The following ZYX variants were observed in gnomAD, a reference collection of about 807,000 sequenced individuals.
ZYX encodes zyxin-2.
A neutral mutation model predicts 58.1 loss-of-function variants in ZYX; 37 were observed. That is an observed-to-expected ratio of 0.64 (90% CI 0.49 to 0.84). The LOEUF (loss-of-function observed/expected upper bound fraction) is 0.84. ZYX is among the 40% of genes least tolerant of loss of function. ZYX has a pLI of 0.00. For missense variants in ZYX, 762 were observed against 761.6 expected, an observed-to-expected ratio of 1.00 and a Z score of -0.01; for synonymous variants, 324 against 321.1, an observed-to-expected ratio of 1.01 and a Z score of -0.10.
At position 143,390,733 on chromosome 7, in the gene ZYX, C is replaced by A; in HGVS notation, c.*51C>A. The stretch of plus-strand genomic sequence containing the variant: ...CAGTCCATGCCCCATTGTGGACCAC[C>A]CACACTGAGACCACCTGCCCCCACC... On this transcript the variant is annotated 3_prime_UTR_variant, in exon 10 of 10. Coordinates refer to ENST00000322764, the MANE Select transcript of ZYX (RefSeq NM_003461.5). This position sits in a 1 kb window ranked among gnomAD's most constrained non-coding sequence, Gnocchi z 4.3. The A allele has an allele frequency of 7.3e-7, 1 of 1,375,184 alleles. No individual in the cohort carries two copies. The highest frequency in any genetic ancestry group is 1.0e-6 in the Non-Finnish European group (1 of 990,376). The allele number at this position is 1,375,184 out of a possible 1,614,324, so 85.2% of individuals were successfully genotyped here. A position where few individuals can be genotyped will look rare whatever the true frequency, so the allele number is the denominator to read the frequency against.
At position 143,388,121 on chromosome 7, in the gene ZYX, G is replaced by T; in HGVS notation, c.1024-98G>T. ...GCCTGAGCATCTGGGACACGAGCTG[G>T]GAGCTAAGCCTCATCGGAAGAAGCC... On this transcript the variant is annotated intron_variant, in intron 5 of 9. Transcript: ENST00000322764. The surrounding 1 kb of genome is among the most constrained non-coding windows in gnomAD (Gnocchi z 7.5). 7.0e-7 allele frequency: 1 copy of T among 1,419,350 alleles called. No homozygotes were observed. Among genetic ancestry groups the T allele is most frequent in the African/African-American group, 1.4e-5 (1 of 69,362 alleles). The allele number at this position is 1,419,350 out of a possible 1,614,324, so 87.9% of individuals were successfully genotyped here. A position where few individuals can be genotyped will look rare whatever the true frequency, so the allele number is the denominator to read the frequency against.
Position 143,388,415 on chromosome 7 carries a change from T to C in ZYX, c.1145-74T>C. Reference sequence around the variant, plus strand: ...GGGCCAGGGCTGTGGCTCCACTCCCTATCTGAGCTGGCTGATCCCTCGCAG... The same window carrying C: ...GGGCCAGGGCTGTGGCTCCACTCCCCATCTGAGCTGGCTGATCCCTCGCAG... On this transcript the variant is annotated intron_variant, in intron 6 of 9. Coordinates refer to ENST00000322764, the MANE Select transcript of ZYX (RefSeq NM_003461.5). The surrounding 1 kb of genome is among the most constrained non-coding windows in gnomAD (Gnocchi z 7.5). 6.2e-7 allele frequency: 1 copy of C among 1,606,462 alleles called. No homozygotes were observed. The highest frequency in any genetic ancestry group is 1.3e-5 in the African/African-American group (1 of 74,828).
chr7:143,388,724 G>A lies in ZYX; in HGVS notation c.1315-43G>A, dbSNP rs945826708. ...CAGTCGGGCCCTGGAAGCTTGCTGTGGGGTGCCGGTTCCCTGCCAACCTCC... is the reference window on the plus strand; with the variant it reads ...CAGTCGGGCCCTGGAAGCTTGCTGTAGGGTGCCGGTTCCCTGCCAACCTCC... On this transcript the variant is annotated intron_variant, in intron 7 of 9. Transcript: ENST00000322764. This position sits in a 1 kb window ranked among gnomAD's most constrained non-coding sequence, Gnocchi z 7.5. 2.5e-6 allele frequency: 4 copies of A among 1,609,906 alleles called. No individual in the cohort carries two copies. In the East Asian group the frequency reaches 8.9e-5, roughly 36 times the overall value.
chr7:143,386,026 A>G (rs1563109162), intron 5 of ZYX, among the ~76,000 whole-genome samples: 4 of 148,964 alleles, frequency 2.7e-5, no homozygotes, highest in African/African-American at 4.9e-5. Flanking sequence ...GGTGTGGTAT[A>G]TGTGTGAGTG....
rs552202470 is a variant in ZYX at position 143,382,073 on chromosome 7, C to T, written c.209-175C>T. 5.9e-5 allele frequency: 37 copies of T among 627,444 alleles called. 1 individual carries two copies. In the South Asian group the frequency reaches 7.3e-4, roughly 12 times the overall value. 38.9% of individuals were successfully genotyped at this position (627,444 alleles called of 1,614,324 possible). Reference sequence around the variant, plus strand: ...AGCTGCACCACTCCTCGGCAGTGCGCCCGGCCTTTCCTGACCTGGTACTCC... The same window carrying T: ...AGCTGCACCACTCCTCGGCAGTGCGTCCGGCCTTTCCTGACCTGGTACTCC... On this transcript the variant is annotated intron_variant, in intron 2 of 9. Transcript: ENST00000322764.
In ZYX at chr7:143,384,293, T is replaced by C; in HGVS notation, c.1023+971T>C. The C allele has an allele frequency of 2.1e-6, 1 of 470,596 alleles. No homozygotes were observed. Among genetic ancestry groups the C allele is most frequent in the South Asian group, 1.6e-5 (1 of 64,498 alleles). The allele number at this position is 470,596 out of a possible 1,614,324, so 29.2% of individuals were successfully genotyped here. On this transcript the variant is annotated intron_variant, in intron 5 of 9. Coordinates refer to ENST00000322764, the MANE Select transcript of ZYX (RefSeq NM_003461.5). The surrounding 1 kb of genome is among the most constrained non-coding windows in gnomAD (Gnocchi z 4.9). ...AGGGAGTCAACTCGGGGAGTCAAAT[T>C]AGGAAAGGCTTCGAAGGATGGGCAG...
intron 2 of ZYX, 24 bp downstream of exon 2, chr7:143,381,803 G>A (rs1175526838): frequency 1.3e-6 from 2 of 1,517,900 alleles, no homozygotes; most frequent in Admixed American, 2.3e-5. Context: ...CTTGGGGAAT[G>A]TACCCCGGCA....
Position 143,390,727 on chromosome 7 carries a change from G to T in ZYX, c.*45G>T. 6.9e-7 allele frequency: 1 copy of T among 1,447,210 alleles called. No individual in the cohort carries two copies. Among genetic ancestry groups the T allele is most frequent in the South Asian group, 1.2e-5 (1 of 82,060 alleles). 89.6% of individuals were successfully genotyped at this position (1,447,210 alleles called of 1,614,324 possible). On this transcript the variant is annotated 3_prime_UTR_variant, in exon 10 of 10. Transcript: ENST00000322764. The surrounding 1 kb of genome is among the most constrained non-coding windows in gnomAD (Gnocchi z 4.3). ...AGACCGCAGTCCATGCCCCATTGTG[G>T]ACCACCCACACTGAGACCACCTGCC... is the stretch of plus-strand genomic sequence containing the variant.
intron 5 of ZYX, among the ~76,000 whole-genome samples, chr7:143,386,854 C>T (rs182593212): frequency 7.9e-5 from 12 of 152,166 alleles, no homozygotes; most frequent in East Asian, 1.9e-4. Flanking sequence ...CTGAGATGGA[C>T]GGAAGTTTGG....
rs769383580 is a variant in ZYX at position 143,388,808 on chromosome 7, T to C, written c.1356T>C (p.Thr452=). Residue 452 remains threonine (T), a synonymous_variant, in exon 8 of 10, where the codon ACT becomes ACC. Coordinates refer to ENST00000322764, the MANE Select transcript of ZYX (RefSeq NM_003461.5). The surrounding 1 kb of genome is among the most constrained non-coding windows in gnomAD (Gnocchi z 7.5). ...GTAACACCTGCGGGGAGCCCATCAC[T>C]GACCGCATGCTGAGGGCCACGGGCA... ...EKCNTCGEPI[T]DRMLRATGKA... 2 of 1,614,082 alleles carry C rather than the reference T, an allele frequency of 1.2e-6. No individual in the cohort carries two copies.
Position 143,389,818 on chromosome 7 carries a change from G to T in ZYX, c.1494-39G>T, listed in dbSNP as rs1463309324. 6.2e-7 allele frequency: 1 copy of T among 1,610,574 alleles called. No individual in the cohort carries two copies. On this transcript the variant is annotated intron_variant, in intron 8 of 9. Transcript: ENST00000322764. The surrounding 1 kb of genome is among the most constrained non-coding windows in gnomAD (Gnocchi z 5.6). The stretch of plus-strand genomic sequence containing the variant: ...ATGCGTGCGCACACCGGGGATGAAA[G>T]CCCTGGCTAACTCGGCTGGCCCTTT...
Position 143,381,579 on chromosome 7 carries a change from C to G in ZYX, c.8C>G (p.Ala3Gly). The G allele has an allele frequency of 3.1e-6, 5 of 1,609,476 alleles. No homozygotes were observed. Among genetic ancestry groups the G allele is most frequent in the Non-Finnish European group, 3.4e-6 (4 of 1,178,446 alleles). The change falls in exon 2 of 10, where the codon GCC becomes GGC. Residue 3 changes from alanine (A) to glycine (G), a missense_variant. Transcript: ENST00000322764. ...CAGCAGCCCGGCCCGGCCATGGCGG[C>G]CCCCCGCCCGTCTCCCGCGATCTCC... MA[A>G]PRPSPAISVS...
chr7:143,384,067 A>G lies in ZYX; in HGVS notation c.1023+745A>G. 1 of 420,750 alleles carries G rather than the reference A, an allele frequency of 2.4e-6. No individual in the cohort carries two copies. The highest frequency in any genetic ancestry group is 2.1e-5 in the African/African-American group (1 of 48,548). 26.1% of individuals were successfully genotyped at this position (420,750 alleles called of 1,614,324 possible). The stretch of plus-strand genomic sequence containing the variant: ...TGCTCAAAATAGAAAAGCTGTAATT[A>G]CAAAATGGTTCTTGCCTTCTAGTTC... On this transcript the variant is annotated intron_variant, in intron 5 of 9. Transcript: ENST00000322764. The surrounding 1 kb of genome is among the most constrained non-coding windows in gnomAD (Gnocchi z 4.9).
rs1805057798 is a variant in ZYX at position 143,391,004 on chromosome 7, T to G, written c.*322T>G. 2.8e-6 allele frequency: 1 copy of G among 362,828 alleles called. No homozygotes were observed. 22.5% of individuals were successfully genotyped at this position (362,828 alleles called of 1,614,324 possible). A position where few individuals can be genotyped will look rare whatever the true frequency, so the allele number is the denominator to read the frequency against. On this transcript the variant is annotated 3_prime_UTR_variant, in exon 10 of 10. Coordinates refer to ENST00000322764, the MANE Select transcript of ZYX (RefSeq NM_003461.5). Reference sequence around the variant, plus strand: ...CGGCCGGCCCCCCGAGCAGCCTTTGTACTCTGCTTGCGGAGGGCTGGGAGA... The same window carrying G: ...CGGCCGGCCCCCCGAGCAGCCTTTGGACTCTGCTTGCGGAGGGCTGGGAGA...
chr7:143,381,558 A>G lies in ZYX; in HGVS notation c.-14A>G, dbSNP rs1563104736. On this transcript the variant is annotated splice_region_variant and 5_prime_UTR_variant, in exon 2 of 10. Coordinates refer to ENST00000322764, the MANE Select transcript of ZYX (RefSeq NM_003461.5). ...GCGTAACCCGGCGACCCACCCCAGC[A>G]GCCCGGCCCGGCCATGGCGGCCCCC... 1.2e-6 allele frequency: 2 copies of G among 1,607,580 alleles called. No homozygotes were observed. The highest frequency in any genetic ancestry group is 3.3e-5 in the Admixed American group (2 of 59,718).
intron 5 of ZYX, among the ~76,000 whole-genome samples, chr7:143,386,142 G>A (rs1433132873): frequency 6.6e-6 from 1 of 151,956 alleles, no homozygotes; most frequent in African/African-American, 2.4e-5. Context: ...TAGCATATGT[G>A]GTTTTTGCAA....
chr7:143,383,582 T>G (rs74341034), intron 5 of ZYX, among the ~76,000 whole-genome samples: 4,394 of 152,274 alleles, frequency 0.029, 196 homozygotes, highest in African/African-American at 0.1. Context: ...GGCTCTGAAT[T>G]AGGAGGATCT....
In ZYX at chr7:143,388,512, C is replaced by A. The variant is rs370303425; in HGVS notation, c.1168C>A (p.Pro390Thr). ...AGAACTCTGCGGCCGATGCCATCAA[C>A]CCCTGGCCCGGGCGCAGCCAGCCGT... The part of the protein sequence containing the change: ...VNELCGRCHQ[P>T]LARAQPAVRA... Residue 390 changes from proline (P) to threonine (T), a missense_variant, in exon 7 of 10, where the codon CCC becomes ACC. Pro to Thr is a conservative substitution (Grantham distance 38). Transcript: ENST00000322764. This position sits in a 1 kb window ranked among gnomAD's most constrained non-coding sequence, Gnocchi z 7.5. 1.2e-6 allele frequency: 2 copies of A among 1,610,334 alleles called. No homozygotes were observed. The highest frequency in any genetic ancestry group is 1.7e-6 in the Non-Finnish European group (2 of 1,179,824).
rs1476990381 is a variant in ZYX, at chr7:143,388,471, C to T, written c.1145-18C>T. The T allele has an allele frequency of 6.2e-7, 1 of 1,607,922 alleles. No individual in the cohort carries two copies. ...CATACTTCCTTCTATTTACTGCTGT[C>T]TTCTCTGGCCTTCCCAGAACTCTGC... is the stretch of plus-strand genomic sequence containing the variant. On this transcript the variant is annotated intron_variant, in intron 6 of 9. Transcript: ENST00000322764. The surrounding 1 kb of genome is among the most constrained non-coding windows in gnomAD (Gnocchi z 7.5).
Sources: allele counts gnomAD v4.1 joint callset (sites outside exome capture counted in the v4.1 genomes callset), GRCh38; gene constraint gnomAD v4.1.1; non-coding constraint Gnocchi (gnomAD v3.1); transcripts MANE v1.5; gene names NCBI Gene and HGNC (gene_info 2026-07-23, HGNC 2026-07-21).